CARM1: variants seen among roughly 807,000 people sequenced by gnomAD.
CARM1 encodes coactivator associated arginine methyltransferase 1, also known as histone-arginine methyltransferase CARM1.
A neutral mutation model predicts 72.7 loss-of-function variants in CARM1; 14 were observed. The observed-to-expected ratio is 0.19, with a 90% CI of 0.13 to 0.30. CARM1 has a LOEUF of 0.30. Among genes scored for constraint, CARM1 ranks in the 10% least tolerant of loss-of-function variants. CARM1 has a pLI of 1.00. For synonymous variants in CARM1, 333 were observed against 345.5 expected (o/e 0.96, Z 0.40); for missense variants, 432 against 833.7 (o/e 0.52, Z 5.93).
At chr19:10,914,313 C>A (rs2145236535) in intron 6 of CARM1, among the ~76,000 whole-genome samples, 1 of 152,344 alleles carries the variant, frequency 6.6e-6, no homozygotes, top group East Asian at 1.9e-4. Context: ...CCTCTGCCGT[C>A]CCATGTCCTG....
chr19:10,879,498 T>C (rs1310621011), intron 1 of CARM1, among the ~76,000 whole-genome samples: 1 of 152,140 alleles, frequency 6.6e-6, no homozygotes, highest in Non-Finnish European at 1.5e-5. Flanking sequence ...TTCTGGGTTA[T>C]GGAGAGGTGC....
At position 10,920,390 on chromosome 19, in the gene CARM1, T is replaced by C; in HGVS notation, c.1197-46T>C. 1 of 1,584,340 alleles carries C rather than the reference T, an allele frequency of 6.3e-7. No homozygotes were observed. The highest frequency in any genetic ancestry group is 1.1e-5 in the South Asian group (1 of 88,890). On this transcript the variant is annotated intron_variant, in intron 10 of 15. Coordinates refer to ENST00000327064, the MANE Select transcript of CARM1 (RefSeq NM_199141.2). This position sits in a 1 kb window ranked among gnomAD's most constrained non-coding sequence, Gnocchi z 5.3. ...AAGGCATACAAGGTGGTGGCTCCAG[T>C]GGTGGCGCCGGCCCAGTCAAGTATG...
In CARM1 at chr19:10,886,155, C is replaced by T. The variant is rs552932615; in HGVS notation, c.220+14233C>T. 4.6e-4 allele frequency among the ~76,000 whole-genome samples: 70 copies of T among 150,720 alleles called. No individual in the cohort carries two copies. The Middle Eastern group carries it at 0.014, about 30-fold the overall frequency. ...CACCACAACCTCCACCTCCTGGGTT[C>T]AAGTGATTGTCCTGCCTCAGCCTCC... On this transcript the variant is annotated intron_variant, in intron 1 of 15. Coordinates refer to ENST00000327064, the MANE Select transcript of CARM1 (RefSeq NM_199141.2).
intron 1 of CARM1, among the ~76,000 whole-genome samples, chr19:10,891,695 C>T (rs1351335182): frequency 6.6e-6 from 1 of 152,282 alleles, no homozygotes. Flanking sequence ...CTCCCGCCCC[C>T]AGCCTTCGCC....
At chr19:10,883,491 G>T (rs1272175911) in intron 1 of CARM1, among the ~76,000 whole-genome samples, 1 of 152,184 alleles carries the variant, frequency 6.6e-6, no homozygotes, top group Admixed American at 6.5e-5. Context: ...CAAGGATCGC[G>T]CAGGGCGGAC....
intron 1 of CARM1, among the ~76,000 whole-genome samples, chr19:10,879,319 T>C (rs556110602): frequency 4.3e-4 from 66 of 152,316 alleles, no homozygotes; most frequent in Middle Eastern, 6.8e-3. Context: ...AGTCACATGA[T>C]CACTGCCAGC....
intron 1 of CARM1, among the ~76,000 whole-genome samples, chr19:10,893,988 G>A (rs1031417889): frequency 9.9e-5 from 15 of 152,210 alleles, no homozygotes; most frequent in Middle Eastern, 3.4e-3. Context: ...CATCTCTGCC[G>A]CCTCTTGGGC....
Position 10,880,601 on chromosome 19 carries a change from A to G in CARM1, c.220+8679A>G, listed in dbSNP as rs562619460. Among the ~76,000 whole-genome samples the G allele has an allele frequency of 3.6e-5, 5 of 140,592 alleles. No homozygotes were observed. The South Asian group carries it at 1.1e-3, about 31-fold the overall frequency. 92.2% of individuals were successfully genotyped at this position (140,592 alleles called of 152,430 possible). ...ACTCCTGGGCTCAAGCGATTCTCCT[A>G]CCTTGGCCCCCAAAGTGCTGGGATT... is the stretch of plus-strand genomic sequence containing the variant. On this transcript the variant is annotated intron_variant, in intron 1 of 15. Transcript: ENST00000327064.
chr19:10,891,195 A>G (rs185112265), intron 1 of CARM1, among the ~76,000 whole-genome samples: 21 of 152,058 alleles, frequency 1.4e-4, no homozygotes, highest in Middle Eastern at 3.4e-3. Context: ...TTTTGTGCCA[A>G]TGCCACACTA....
Position 10,894,159 on chromosome 19 carries a change from T to C in CARM1, c.221-10792T>C, listed in dbSNP as rs555585198. On this transcript the variant is annotated intron_variant, in intron 1 of 15. Coordinates refer to ENST00000327064, the MANE Select transcript of CARM1 (RefSeq NM_199141.2). ...CCTGGTCCGCATGCATCAGCTTCCG[T>C]GCTTTCCCTCCTCTCAGCGCTTACT... Among the ~76,000 whole-genome samples the C allele has an allele frequency of 3.2e-4, 49 of 152,320 alleles. 1 individual carries two copies. In the South Asian group the frequency reaches 9.9e-3, roughly 31 times the overall value.
At chr19:10,880,844 C>T (rs1432107105) in intron 1 of CARM1, among the ~76,000 whole-genome samples, 5 of 147,896 alleles carry the variant, frequency 3.4e-5, no homozygotes, top group African/African-American at 1.1e-4. Flanking sequence ...TGGAGGTTTT[C>T]GTGGAGGGGA....
intron 1 of CARM1, among the ~76,000 whole-genome samples, chr19:10,879,766 A>C (rs1568345450): frequency 6.6e-6 from 1 of 152,154 alleles, no homozygotes; most frequent in Admixed American, 6.5e-5. Context: ...AGTGCGTGCA[A>C]CCACACCCAG....
intron 14 of CARM1, 37 bp from the exon 15 acceptor site, chr19:10,921,338 C>T (rs369362928): frequency 1.6e-5 from 25 of 1,607,980 alleles, no homozygotes; most frequent in East Asian, 6.7e-5. Context: ...GCGGTGACGC[C>T]GTCTCCCTTC....
rs2073812376 is a variant in CARM1 at position 10,871,574 on chromosome 19, GGCGGCGGTA to G, written c.-123_-115del. 6.8e-6 allele frequency: 1 copy of G among 146,162 alleles called. No homozygotes were observed. Among genetic ancestry groups the G allele is most frequent in the Non-Finnish European group, 1.5e-5 (1 of 67,456 alleles). The allele number at this position is 146,162 out of a possible 1,614,324, so 9.1% of individuals were successfully genotyped here. On this transcript the variant is annotated 5_prime_UTR_variant, in exon 1 of 16. Transcript: ENST00000327064. This position sits in a 1 kb window ranked among gnomAD's most constrained non-coding sequence, Gnocchi z 5.6. Reference sequence around the variant, plus strand: ...CGGCCTCGGCCTGCACGGCGGCTGCGGCGGCGGTAGCGGCAGCGGCGGCGGCGGCGGCGG... The same window carrying G: ...CGGCCTCGGCCTGCACGGCGGCTGCGGCGGCAGCGGCGGCGGCGGCGGCGG...
rs778882152 is a variant in CARM1, at chr19:10,921,453, G to A, written c.1684+10G>A. On this transcript the variant is annotated intron_variant, in intron 15 of 15. Coordinates refer to ENST00000327064, the MANE Select transcript of CARM1 (RefSeq NM_199141.2). ...ACGGGGATTGTCCAAGGTAACGAGGGTGGCGGGGGCAGGGCCCGTGGGGGC... is the reference window on the plus strand; with the variant it reads ...ACGGGGATTGTCCAAGGTAACGAGGATGGCGGGGGCAGGGCCCGTGGGGGC... The A allele has an allele frequency of 2.0e-5, 32 of 1,598,862 alleles. No individual in the cohort carries two copies. The highest frequency in any genetic ancestry group is 2.7e-5 in the Non-Finnish European group (32 of 1,172,016).
At chr19:10,888,038 C>T (rs1413632978) in intron 1 of CARM1, among the ~76,000 whole-genome samples, 1 of 152,210 alleles carries the variant, frequency 6.6e-6, no homozygotes, top group Non-Finnish European at 1.5e-5. Flanking sequence ...GTCTTCTTGC[C>T]GCTCCATGAC....
rs1166251690 is a variant in CARM1 at position 10,915,185 on chromosome 19, TGTCTCATGTCTTGGGTGTGAGTATGG to T, written c.847+1133_847+1158del. Among the ~76,000 whole-genome samples the T allele has an allele frequency of 7.2e-5, 11 of 152,196 alleles. No individual in the cohort carries two copies. The highest frequency in any genetic ancestry group is 6.5e-5 in the Admixed American group (1 of 15,294). ...GGTGGGAGGTGGCGTCCCACAGCTG[TGTCTCATGTCTTGGGTGTGAGTATGG>T]GAAGCAAGGCTGCTCCAGGGGCTGT... On this transcript the variant is annotated intron_variant, in intron 6 of 15. Transcript: ENST00000327064. The surrounding 1 kb of genome is among the most constrained non-coding windows in gnomAD (Gnocchi z 4.6).
chr19:10,877,639 C>G (rs2073873804), intron 1 of CARM1, among the ~76,000 whole-genome samples: 1 of 152,094 alleles, frequency 6.6e-6, no homozygotes, highest in Non-Finnish European at 1.5e-5. Context: ...CCAGGCTGGC[C>G]TCGAACTCCT....
At chr19:10,888,927 T>C (rs570091435) in intron 1 of CARM1, among the ~76,000 whole-genome samples, 67 of 152,242 alleles carry the variant, frequency 4.4e-4, no homozygotes, top group Middle Eastern at 6.8e-3. Context: ...CACCCACAGG[T>C]CAGGACTACA....
Sources: allele counts gnomAD v4.1 joint callset (sites outside exome capture counted in the v4.1 genomes callset), GRCh38; gene constraint gnomAD v4.1.1; non-coding constraint Gnocchi (gnomAD v3.1); transcripts MANE v1.5; gene names NCBI Gene and HGNC (gene_info 2026-07-23, HGNC 2026-07-21).